RYR3: variants seen among roughly 807,000 people sequenced by gnomAD.
RYR3 encodes brain ryanodine receptor-calcium release channel.
Under a neutral mutation model 584.3 loss-of-function variants are expected in RYR3, and 207 were observed. The ratio of observed to expected loss-of-function variants is 0.35; its 90% CI spans 0.32 to 0.40. The LOEUF is 0.40. Ranked by LOEUF, RYR3 falls within the 10% of genes least tolerant of loss-of-function variation. RYR3 has a pLI of 1.00. For missense variants in RYR3, 5,616 were observed against 6,089.2 expected (o/e 0.92, Z 2.59); for synonymous variants, 2,416 against 2,248.5 (o/e 1.07, Z -2.11).
chr15:33,391,604 C>T (rs11635932), intron 1 of RYR3, among the ~76,000 whole-genome samples: 15,352 of 144,734 alleles, frequency 0.11, 922 homozygotes, highest in South Asian at 0.28. Context: ...CCAGCCTGGG[C>T]GACAGAGCGA....
chr15:33,597,049 A>G (rs2059413088), intron 16 of RYR3, among the ~76,000 whole-genome samples: 1 of 152,236 alleles, frequency 6.6e-6, no homozygotes, highest in African/African-American at 2.4e-5. Context: ...ATTAGAAGTT[A>G]CGGTAATCTT....
chr15:33,458,823 G>A (rs890945640), intron 1 of RYR3, among the ~76,000 whole-genome samples: 1 of 152,162 alleles, frequency 6.6e-6, no homozygotes, highest in African/African-American at 2.4e-5. Context: ...AGCCTTTGGT[G>A]ACTGGTGTTT....
intron 8 of RYR3, among the ~76,000 whole-genome samples, chr15:33,544,860 G>A (rs1188769581): frequency 8.1e-6 from 1 of 123,176 alleles, no homozygotes; most frequent in East Asian, 2.4e-4. Flanking sequence ...CACTGGTCCG[G>A]CGGTTGATAG....
intron 2 of RYR3, among the ~76,000 whole-genome samples, chr15:33,496,495 C>T (rs1333233666): frequency 6.6e-6 from 1 of 151,920 alleles, no homozygotes; most frequent in Non-Finnish European, 1.5e-5. Flanking sequence ...TCATTCATGA[C>T]ATCCTCATAT....
At chr15:33,504,580 C>A (rs1489027359) in intron 3 of RYR3, among the ~76,000 whole-genome samples, 1 of 152,200 alleles carries the variant, frequency 6.6e-6, no homozygotes, top group Non-Finnish European at 1.5e-5. Flanking sequence ...CTCAGCAGTT[C>A]TTTCCAAAAT....
At chr15:33,607,900 A>G (rs191241434) in intron 18 of RYR3, among the ~76,000 whole-genome samples, 262 of 152,246 alleles carry the variant, frequency 1.7e-3, no homozygotes, top group African/African-American at 6.1e-3. Flanking sequence ...TTCAAAACTC[A>G]TAGCAGTCTT....
intron 27 of RYR3, among the ~76,000 whole-genome samples, chr15:33,638,291 A>G (rs1002675322): frequency 2.0e-5 from 3 of 152,238 alleles, no homozygotes; most frequent in African/African-American, 7.2e-5. Flanking sequence ...AAGGACAACC[A>G]GGTGCTTTCC....
rs2153017028 is a variant in RYR3, at chr15:33,860,794, T to G, written c.14364+135T>G. ...ACGCAGTTTGTTTTCCATGCCCTGT[T>G]CTCTGCACCCTGCCATACCCCTGCC... On this transcript the variant is annotated intron_variant, in intron 101 of 103. Transcript: ENST00000634891. 4.1e-6 allele frequency: 3 copies of G among 739,374 alleles called. No homozygotes were observed. The South Asian group carries it at 5.5e-5, about 14-fold the overall frequency. The allele number at this position is 739,374 out of a possible 1,614,324, so 45.8% of individuals were successfully genotyped here.
At chr15:33,581,723 TG>T in intron 14 of RYR3, 80 bp downstream of exon 14, 1 of 1,282,342 alleles carries the variant, frequency 7.8e-7, no homozygotes, top group Non-Finnish European at 1.1e-6. Flanking sequence ...GTCTTTAACT[TG>T]CCATTAACCC....
At chr15:33,553,630 T>C (rs1418025504) in intron 10 of RYR3, among the ~76,000 whole-genome samples, 1 of 152,132 alleles carries the variant, frequency 6.6e-6, no homozygotes, top group Non-Finnish European at 1.5e-5. Context: ...TTGATCAAGG[T>C]CCTCCTTCCC....
chr15:33,694,381 A>T (rs1036942061), intron 38 of RYR3, among the ~76,000 whole-genome samples: 5 of 149,804 alleles, frequency 3.3e-5, no homozygotes, highest in Non-Finnish European at 7.5e-5. Flanking sequence ...AGTAGCTGGG[A>T]CTACAGGCGC....
intron 13 of RYR3, 149 bp downstream of exon 13, chr15:33,580,293 C>CA: frequency 1.5e-6 from 1 of 681,074 alleles, no homozygotes; most frequent in East Asian, 2.8e-5. Flanking sequence ...AATTGGAAGC[C>CA]AACCTTCCCT....
intron 47 of RYR3, among the ~76,000 whole-genome samples, chr15:33,730,032 C>T (rs1307565982): frequency 1.3e-5 from 2 of 151,534 alleles, no homozygotes; most frequent in Non-Finnish European, 2.9e-5. Context: ...GTATACGATC[C>T]CTAATACTGA....
At chr15:33,580,810 G>T (rs952047209) in intron 13 of RYR3, among the ~76,000 whole-genome samples, 5 of 152,188 alleles carry the variant, frequency 3.3e-5, no homozygotes, top group African/African-American at 9.7e-5. Context: ...AAAGTTAGTG[G>T]TGTGGGATGT....
chr15:33,589,991 A>G (rs527851886), intron 16 of RYR3, among the ~76,000 whole-genome samples: 51 of 152,264 alleles, frequency 3.3e-4, no homozygotes, highest in African/African-American at 1.2e-3. Context: ...TAAGTTCGAA[A>G]AGAGAGTCAG....
chr15:33,562,994 G>A lies in RYR3; in HGVS notation c.1130G>A (p.Gly377Glu). The A allele has an allele frequency of 6.2e-7, 1 of 1,609,498 alleles. No homozygotes were observed. Among genetic ancestry groups the A allele is most frequent in the Non-Finnish European group, 8.5e-7 (1 of 1,177,646 alleles). ...CAAGACGCCAAAACTTCCCGCCTGG[G>A]ACCTCTAAAAAGAAAGGTGAGAGTC... is the stretch of plus-strand genomic sequence containing the variant. ...KAQDAKTSRL[G>E]PLKRKVILHQ... is the part of the protein sequence containing the mutation. Residue 377 changes from glycine to glutamate, a missense_variant, in exon 11 of 104, where the codon GGA becomes GAA. Coordinates refer to ENST00000634891, the MANE Select transcript of RYR3 (RefSeq NM_001036.6).
chr15:33,318,768 T>G (rs1157248330), intron 1 of RYR3, among the ~76,000 whole-genome samples: 1 of 152,214 alleles, frequency 6.6e-6, no homozygotes, highest in African/African-American at 2.4e-5. Flanking sequence ...ATACATACTT[T>G]GTTTTAAATA....
At chr15:33,564,859 T>G (rs1328612191) in intron 11 of RYR3, among the ~76,000 whole-genome samples, 1 of 152,182 alleles carries the variant, frequency 6.6e-6, no homozygotes, top group African/African-American at 2.4e-5. Flanking sequence ...GTGATGGTGC[T>G]CAGCCCTTGA....
At chr15:33,357,957 A>G (rs1464381516) in intron 1 of RYR3, among the ~76,000 whole-genome samples, 1 of 152,254 alleles carries the variant, frequency 6.6e-6, no homozygotes, top group Non-Finnish European at 1.5e-5. Context: ...ACAGCAGTGT[A>G]GCCAGTAAGT....
Sources: allele counts gnomAD v4.1 joint callset (sites outside exome capture counted in the v4.1 genomes callset), GRCh38; gene constraint gnomAD v4.1.1; transcripts MANE v1.5; gene names NCBI Gene and HGNC (gene_info 2026-07-23, HGNC 2026-07-21).